The following SLC39A11 variants were observed in gnomAD, a reference collection of about 807,000 sequenced individuals.
SLC39A11 encodes solute carrier family 39 member 11, also known as zinc transporter ZIP11.
SLC39A11 carries 33 observed loss-of-function variants against 36.1 expected under a neutral mutation model. That is an observed-to-expected ratio of 0.91 (90% CI 0.69 to 1.22). SLC39A11 has a LOEUF of 1.22. Among genes scored for constraint, SLC39A11 ranks in the 50% most tolerant of loss-of-function variants. The pLI, the probability that SLC39A11 is intolerant of heterozygous loss-of-function variation, is 0.00. For synonymous variants in SLC39A11, 166 were observed against 170.3 expected (o/e 0.97, Z 0.20); for missense variants, 432 against 430.3 (o/e 1.00, Z -0.03).
At chr17:72,768,232 T>C (rs2075820130) in intron 6 of SLC39A11, among the ~76,000 whole-genome samples, 1 of 152,228 alleles carries the variant, frequency 6.6e-6, no homozygotes, top group Admixed American at 6.5e-5. Flanking sequence ...ATTCAGATTC[T>C]TCTTCTCCAG....
At chr17:72,659,027 A>G (rs2070284828) in intron 7 of SLC39A11, among the ~76,000 whole-genome samples, 1 of 152,112 alleles carries the variant, frequency 6.6e-6, no homozygotes, top group African/African-American at 2.4e-5. Flanking sequence ...AGCCTTCTCA[A>G]TTATACGACC....
chr17:73,045,835 T>C (rs895382190), intron 3 of SLC39A11, among the ~76,000 whole-genome samples: 4 of 152,164 alleles, frequency 2.6e-5, no homozygotes, highest in South Asian at 2.1e-4. Flanking sequence ...ATTAAACCTT[T>C]TCACCAGCTG....
chr17:72,741,964 G>T (rs2074725621), intron 6 of SLC39A11, among the ~76,000 whole-genome samples: 1 of 152,130 alleles, frequency 6.6e-6, no homozygotes, highest in Non-Finnish European at 1.5e-5. Flanking sequence ...CACTTTGGGA[G>T]GCCGAGGTAG....
intron 7 of SLC39A11, among the ~76,000 whole-genome samples, chr17:72,704,969 T>C (rs11868186): frequency 0.16 from 24,157 of 152,122 alleles, 1,945 homozygotes; most frequent in African/African-American, 0.2. Context: ...CAGGAAGCCA[T>C]CTTAACACCA....
chr17:72,764,042 G>A (rs1482222841), intron 6 of SLC39A11, among the ~76,000 whole-genome samples: 1 of 152,032 alleles, frequency 6.6e-6, no homozygotes, highest in Admixed American at 6.5e-5. Context: ...AATTGCTTTT[G>A]GATCTAGTGC....
At chr17:72,902,013 T>G (rs1038624779) in intron 5 of SLC39A11, among the ~76,000 whole-genome samples, 3 of 152,152 alleles carry the variant, frequency 2.0e-5, no homozygotes, top group Non-Finnish European at 4.4e-5. Context: ...GGCTCACACC[T>G]GTAATCCCAG....
intron 7 of SLC39A11, among the ~76,000 whole-genome samples, chr17:72,719,233 A>C (rs1598437234): frequency 6.6e-6 from 1 of 151,706 alleles, no homozygotes; most frequent in Admixed American, 6.6e-5. Flanking sequence ...GACAACAAAG[A>C]CTCTATCTCA....
At chr17:72,801,645 CAAAGCTGTCTAA>C (rs1017452702) in intron 6 of SLC39A11, among the ~76,000 whole-genome samples, 2 of 152,166 alleles carry the variant, frequency 1.3e-5, no homozygotes, top group African/African-American at 4.8e-5. Context: ...ATTAAATCAA[CAAAGCTGTCTAA>C]AAATTTACTA....
chr17:72,703,390 G>A (rs1394061894), intron 7 of SLC39A11, among the ~76,000 whole-genome samples: 1 of 152,172 alleles, frequency 6.6e-6, no homozygotes, highest in Non-Finnish European at 1.5e-5. Flanking sequence ...AGTTCCGTGT[G>A]GGGAGAAATA....
chr17:72,777,896 TGTAC>T (rs924257335), intron 6 of SLC39A11, among the ~76,000 whole-genome samples: 1 of 149,674 alleles, frequency 6.7e-6, no homozygotes, highest in African/African-American at 2.5e-5. Context: ...TATGTATGTA[TGTAC>T]GTACATACTT....
chr17:72,965,879 T>C (rs1262115428), intron 4 of SLC39A11, among the ~76,000 whole-genome samples: 1 of 152,166 alleles, frequency 6.6e-6, no homozygotes, highest in East Asian at 1.9e-4. Context: ...TTCATAAAAC[T>C]AGGGAATTCA....
At chr17:72,924,162 A>AAAT (rs560384382) in intron 5 of SLC39A11, among the ~76,000 whole-genome samples, 43 of 120,560 alleles carry the variant, frequency 3.6e-4, no homozygotes, top group African/African-American at 1.6e-3. Flanking sequence ...AAAAAAAAAA[A>AAAT]TTTTTTTTTT....
intron 5 of SLC39A11, among the ~76,000 whole-genome samples, chr17:72,902,658 A>G (rs897488714): frequency 2.0e-5 from 3 of 152,244 alleles, no homozygotes; most frequent in African/African-American, 2.4e-5. Flanking sequence ...CCAAGAGCAA[A>G]TATCTATAGA....
At chr17:72,863,843 G>C (rs549174930) in intron 5 of SLC39A11, among the ~76,000 whole-genome samples, 10 of 152,320 alleles carry the variant, frequency 6.6e-5, no homozygotes, top group African/African-American at 2.2e-4. Flanking sequence ...GAAGCTCAAG[G>C]AAGTTAATGC....
chr17:72,858,544 G>A (rs183474143), intron 5 of SLC39A11, among the ~76,000 whole-genome samples: 21 of 152,332 alleles, frequency 1.4e-4, no homozygotes, highest in African/African-American at 4.6e-4. Context: ...GAATAGCATT[G>A]AATCTGTAAA....
intron 3 of SLC39A11, among the ~76,000 whole-genome samples, chr17:73,078,240 GAAAAAAAAA>G (rs373935167): frequency 8.7e-6 from 1 of 114,780 alleles, no homozygotes; most frequent in African/African-American, 3.3e-5. Flanking sequence ...TCCGTCTCAG[GAAAAAAAAA>G]AAAAAAAAGA....
In SLC39A11 at chr17:72,646,166, A is replaced by G. The variant is rs1166498965; in HGVS notation, c.*1418T>C. 2 of 152,676 alleles carry G rather than the reference A, an allele frequency of 1.3e-5. No homozygotes were observed. The highest frequency in any genetic ancestry group is 4.8e-5 in the African/African-American group (2 of 41,464). The allele number at this position is 152,676 out of a possible 1,614,324, so 9.5% of individuals were successfully genotyped here. ...GAAGAACGTACATAGACCCAGCCCA[A>G]GGTTGGCCTTTGGGGTCTGATAGCA... On this transcript the variant is annotated 3_prime_UTR_variant, in exon 10 of 10. Transcript: ENST00000255559.
chr17:73,016,921 T>C (rs946012533), intron 4 of SLC39A11, among the ~76,000 whole-genome samples: 1 of 152,202 alleles, frequency 6.6e-6, no homozygotes, highest in Non-Finnish European at 1.5e-5. Context: ...CAAGAGACTC[T>C]AGCTCTCCAC....
At chr17:72,695,026 G>T (rs1054277900) in intron 7 of SLC39A11, among the ~76,000 whole-genome samples, 1 of 152,190 alleles carries the variant, frequency 6.6e-6, no homozygotes, top group Non-Finnish European at 1.5e-5. Flanking sequence ...TTAAGAAGCA[G>T]CTGCCCCTTT....
Sources: gnomAD v4.1 joint callset for allele counts (sites outside exome capture counted in the v4.1 genomes callset) on GRCh38, gnomAD v4.1.1 for gene constraint, MANE v1.5 for transcripts, NCBI Gene and HGNC (gene_info 2026-07-23, HGNC 2026-07-21) for gene names.